OPCML: variants seen among roughly 807,000 people sequenced by gnomAD.
OPCML encodes opioid-binding protein/cell adhesion molecule.
OPCML carries 13 observed loss-of-function variants against 37.8 expected under a neutral mutation model. The ratio of observed to expected loss-of-function variants is 0.34; its 90% CI spans 0.22 to 0.55. The LOEUF is 0.55. OPCML is among the 20% of genes least tolerant of loss of function. The pLI, the probability that OPCML is intolerant of heterozygous loss-of-function variation, is 0.91. For synonymous variants in OPCML, 176 were observed against 168.8 expected (o/e 1.04, Z -0.33); for missense variants, 341 against 435.6 (o/e 0.78, Z 1.93).
intron 2 of OPCML, among the ~76,000 whole-genome samples, chr11:132,808,670 T>G (rs186521630): frequency 6.6e-6 from 1 of 152,326 alleles, no homozygotes; most frequent in Non-Finnish European, 1.5e-5. Flanking sequence ...TATCTTTTCC[T>G]TCACCTACTT....
Position 132,960,591 on chromosome 11 carries a change from C to G in OPCML, c.62-17581G>C, listed in dbSNP as rs917366496. Among the ~76,000 whole-genome samples the G allele has an allele frequency of 3.9e-5, 6 of 152,210 alleles. No homozygotes were observed. In the South Asian group the frequency reaches 1.0e-3, roughly 26 times the overall value. ...CTCTATTTTCCACCATCTCCCTCCC[C>G]CTCTCCATCTGTCTGTCTTCCCTTT... On this transcript the variant is annotated intron_variant, in intron 1 of 7. Transcript: ENST00000524381.
At chr11:133,125,069 T>G (rs555321421) in intron 1 of OPCML, among the ~76,000 whole-genome samples, 2 of 152,274 alleles carry the variant, frequency 1.3e-5, no homozygotes, top group South Asian at 4.1e-4. Context: ...CCGTTTGGAA[T>G]GGCGATTGTA....
chr11:133,456,862 A>G (rs952946646), intron 1 of OPCML, among the ~76,000 whole-genome samples: 3 of 152,160 alleles, frequency 2.0e-5, no homozygotes, highest in African/African-American at 7.2e-5. Context: ...AAAACTATTA[A>G]AAAATTAACT....
At chr11:133,321,528 G>T (rs1021732065) in intron 1 of OPCML, among the ~76,000 whole-genome samples, 1 of 152,164 alleles carries the variant, frequency 6.6e-6, no homozygotes, top group African/African-American at 2.4e-5. Context: ...TCTTCTCACA[G>T]GTGGGTGGGA....
rs550579177 is a variant in OPCML, at chr11:133,234,660, T to A, written c.62-291650A>T. On this transcript the variant is annotated intron_variant, in intron 1 of 7. Coordinates refer to ENST00000524381, the MANE Select transcript of OPCML (RefSeq NM_001012393.5). ...CCCTCCTCATACATCATTCTATACA[T>A]TTGCAGATAGTTATTGAATCACTCT... 8.5e-5 allele frequency among the ~76,000 whole-genome samples: 13 copies of A among 152,354 alleles called. No individual in the cohort carries two copies. In the South Asian group the frequency reaches 2.3e-3, roughly 27 times the overall value.
chr11:133,512,345 T>G (rs1377158030), intron 1 of OPCML, among the ~76,000 whole-genome samples: 5 of 152,192 alleles, frequency 3.3e-5, no homozygotes, highest in Admixed American at 3.3e-4. Flanking sequence ...TAAAACACGT[T>G]ACAAAGGCTA....
Position 133,521,319 on chromosome 11 carries a change from G to A in OPCML, c.61+10945C>T, listed in dbSNP as rs146172669. On this transcript the variant is annotated intron_variant, in intron 1 of 7. Transcript: ENST00000524381. ...AGGCAAAGTCAGAGGCAAAGTCAGGGGCCACATCCTGGGTCAGGAAGTCAG... is the reference window on the plus strand; with the variant it reads ...AGGCAAAGTCAGAGGCAAAGTCAGGAGCCACATCCTGGGTCAGGAAGTCAG... Among the ~76,000 whole-genome samples the A allele has an allele frequency of 2.4e-3, 364 of 152,244 alleles. 2 individuals are homozygous for A. Among genetic ancestry groups the A allele is most frequent in the African/African-American group, 8.3e-3 (344 of 41,538 alleles).
intron 2 of OPCML, among the ~76,000 whole-genome samples, chr11:132,876,393 G>T (rs970754540): frequency 2.6e-5 from 4 of 152,056 alleles, no homozygotes; most frequent in Admixed American, 6.6e-5. Flanking sequence ...TCTCCTTAAC[G>T]CTGTCAGTCA....
At chr11:133,058,992 C>A (rs1038752809) in intron 1 of OPCML, among the ~76,000 whole-genome samples, 1 of 152,200 alleles carries the variant, frequency 6.6e-6, no homozygotes, top group Non-Finnish European at 1.5e-5. Flanking sequence ...AAACTTTGCT[C>A]TAAGCTTCAG....
intron 2 of OPCML, among the ~76,000 whole-genome samples, chr11:132,764,816 C>T (rs1946381168): frequency 6.6e-6 from 1 of 152,210 alleles, no homozygotes; most frequent in African/African-American, 2.4e-5. Context: ...CCTCAGGCTC[C>T]ATGTAAGGAC....
rs569469086 is a variant in OPCML, at chr11:133,508,885, G to T, written c.61+23379C>A. Among the ~76,000 whole-genome samples, 18 of 152,286 alleles carry T rather than the reference G, an allele frequency of 1.2e-4. No homozygotes were observed. The South Asian group carries it at 3.5e-3, about 30-fold the overall frequency. On this transcript the variant is annotated intron_variant, in intron 1 of 7. Transcript: ENST00000524381. ...TTGCCCCAGCACCTTCCAGACAAGA[G>T]GACGGGACAGAGCGACAGGGCCTGT...
At chr11:133,110,031 A>T (rs11604733) in intron 1 of OPCML, among the ~76,000 whole-genome samples, 12,293 of 152,160 alleles carry the variant, frequency 0.081, 744 homozygotes, top group African/African-American at 0.18. Flanking sequence ...TGGGTGAAGG[A>T]TGCCGCAGAA....
intron 2 of OPCML, among the ~76,000 whole-genome samples, chr11:132,845,680 G>T (rs2725436): frequency 0.88 from 134,661 of 152,220 alleles, 60,545 homozygotes; most frequent in Middle Eastern, 0.95. Context: ...ATTCAACACA[G>T]CTTTCCTGAA....
At chr11:133,463,623 G>A (rs1482294395) in intron 1 of OPCML, among the ~76,000 whole-genome samples, 1 of 151,844 alleles carries the variant, frequency 6.6e-6, no homozygotes, top group African/African-American at 2.4e-5. Context: ...TATCTCTCGA[G>A]GGGAAGACCG....
intron 2 of OPCML, among the ~76,000 whole-genome samples, chr11:132,896,556 C>T (rs78035404): frequency 0.039 from 5,949 of 152,318 alleles, 385 homozygotes; most frequent in African/African-American, 0.13. Flanking sequence ...GTTCATAAGG[C>T]CCACCTGAGG....
intron 1 of OPCML, among the ~76,000 whole-genome samples, chr11:133,251,832 C>T (rs1480427267): frequency 6.6e-6 from 1 of 152,068 alleles, no homozygotes; most frequent in Non-Finnish European, 1.5e-5. Context: ...CTTGGTTGCC[C>T]AGAGAGGAAG....
intron 1 of OPCML, among the ~76,000 whole-genome samples, chr11:133,092,013 G>C (rs553594193): frequency 1.3e-5 from 2 of 152,248 alleles, no homozygotes; most frequent in African/African-American, 4.8e-5. Context: ...TGTAAGAGGT[G>C]GGGCATTTGA....
chr11:132,605,979 C>T (rs1938265499), intron 3 of OPCML, among the ~76,000 whole-genome samples: 1 of 152,172 alleles, frequency 6.6e-6, no homozygotes, highest in African/African-American at 2.4e-5. Context: ...ACTTCTCCAG[C>T]TCTGTGAATA....
chr11:133,239,482 G>A (rs940452981), intron 1 of OPCML, among the ~76,000 whole-genome samples: 1 of 152,192 alleles, frequency 6.6e-6, no homozygotes, highest in Admixed American at 6.5e-5. Flanking sequence ...AGGGGCCTTG[G>A]GGGAGCTGTG....
Sources: allele counts gnomAD v4.1 joint callset (sites outside exome capture counted in the v4.1 genomes callset), GRCh38; gene constraint gnomAD v4.1.1; transcripts MANE v1.5; gene names NCBI Gene and HGNC (gene_info 2026-07-23, HGNC 2026-07-21).